The following DCAF6 variants were observed in gnomAD, a reference collection of about 807,000 sequenced individuals.
The protein encoded by DCAF6 is DDB1 and CUL4 associated factor 6, also known as DDB1- and CUL4-associated factor 6.
DCAF6 carries 54 observed loss-of-function variants against 125.1 expected under a neutral mutation model. The ratio of observed to expected loss-of-function variants is 0.43; its 90% CI spans 0.35 to 0.54. The LOEUF (loss-of-function observed/expected upper bound fraction) is 0.54, where lower values mean the gene tolerates loss of function less well. DCAF6 is among the 20% of genes least tolerant of loss of function. The probability of loss-of-function intolerance (pLI) is 0.01; values close to 1 mark genes in which losing one functional copy is unlikely to be tolerated. For missense variants in DCAF6, 934 were observed against 1,161.7 expected (o/e 0.80, Z 2.85); for synonymous variants, 371 against 390.4 (o/e 0.95, Z 0.58).
intron 2 of DCAF6, among the ~76,000 whole-genome samples, chr1:167,955,823 C>T (rs983154491): frequency 2.0e-5 from 3 of 152,174 alleles, no homozygotes; most frequent in African/African-American, 4.8e-5. Context: ...TGCAGTGGCA[C>T]AATCATAGCT....
the DCAF6 span, among the ~76,000 whole-genome samples, chr1:167,883,048 G>A: frequency 5.8e-3 from 877 of 152,152 alleles, 6 homozygotes; most frequent in Admixed American, 0.014. Context: ...TTCTTTTTTT[G>A]TTTAGTTGAG....
chr1:167,928,164 C>T, the DCAF6 span, among the ~76,000 whole-genome samples: 1 of 151,960 alleles, frequency 6.6e-6, no homozygotes, highest in Non-Finnish European at 1.5e-5. Flanking sequence ...CTGGCTAACA[C>T]GGTGAAACCC....
rs1420976440 is a variant in DCAF6 at position 168,038,271 on chromosome 1, A to G, written c.1610-100A>G. 6.6e-5 allele frequency: 56 copies of G among 845,680 alleles called. 2 individuals are homozygous for G. Among genetic ancestry groups the G allele is most frequent in the South Asian group, 2.6e-4 (17 of 64,584 alleles). 52.4% of individuals were successfully genotyped at this position (845,680 alleles called of 1,614,324 possible). On this transcript the variant is annotated intron_variant, in intron 12 of 21. Coordinates refer to ENST00000367840, the MANE Select transcript of DCAF6 (RefSeq NM_001198956.2). ...CCATAACAGATGTGAAAAAAGAATTATGACAAGGACAACCTAATATAAGTT... is the reference window on the plus strand; with the variant it reads ...CCATAACAGATGTGAAAAAAGAATTGTGACAAGGACAACCTAATATAAGTT...
At chr1:167,953,373 C>CATT (rs1553210196) in intron 2 of DCAF6, among the ~76,000 whole-genome samples, 4 of 152,076 alleles carry the variant, frequency 2.6e-5, no homozygotes, top group South Asian at 2.1e-4. Flanking sequence ...TTTCTCCTTA[C>CATT]ATTATTATTA....
intron 17 of DCAF6, among the ~76,000 whole-genome samples, chr1:168,052,431 G>C (rs1308132398): frequency 6.6e-6 from 1 of 152,116 alleles, no homozygotes; most frequent in African/African-American, 2.4e-5. Context: ...CCTCCCTGTA[G>C]AGTGAATGAG....
chr1:167,956,654 T>C (rs532645921), intron 2 of DCAF6, among the ~76,000 whole-genome samples: 35 of 152,290 alleles, frequency 2.3e-4, no homozygotes, highest in Middle Eastern at 3.4e-3. Flanking sequence ...GCTGAGGTCA[T>C]TGATATGAGA....
chr1:168,055,331 G>GTT (rs554861802), intron 17 of DCAF6, among the ~76,000 whole-genome samples: 2,763 of 31,510 alleles, frequency 0.088, 485 homozygotes, highest in Non-Finnish European at 0.11. Flanking sequence ...TCAGGCTTAA[G>GTT]TTTTTTTTTT....
chr1:167,987,732 G>A (rs1181104353), intron 5 of DCAF6, 124 bp downstream of exon 5: 1 of 496,068 alleles, frequency 2.0e-6, no homozygotes, highest in Non-Finnish European at 3.6e-6. Flanking sequence ...TAAGATTATG[G>A]GTGAATTTTT....
At chr1:167,993,750 A>G (rs1325088878) in intron 7 of DCAF6, among the ~76,000 whole-genome samples, 1 of 149,862 alleles carries the variant, frequency 6.7e-6, no homozygotes, top group African/African-American at 2.5e-5. Context: ...ACTCCGTCTC[A>G]GAAAAAACAA....
chr1:167,887,279 A>G, the DCAF6 span, among the ~76,000 whole-genome samples: 4 of 152,246 alleles, frequency 2.6e-5, no homozygotes, highest in Non-Finnish European at 5.9e-5. Context: ...CACAATAGCA[A>G]AGACCTGGAA....
chr1:168,008,670 C>A (rs1435672629), intron 10 of DCAF6, among the ~76,000 whole-genome samples: 2 of 151,982 alleles, frequency 1.3e-5, no homozygotes, highest in Non-Finnish European at 2.9e-5. Flanking sequence ...AAAAAAAAAT[C>A]AAACTCCTCA....
rs1378068818 is a variant in DCAF6, at chr1:168,043,068, A to C, written c.1771A>C (p.Lys591Gln). 1.2e-6 allele frequency: 2 copies of C among 1,613,052 alleles called. No homozygotes were observed. The highest frequency in any genetic ancestry group is 4.5e-5 in the East Asian group (2 of 44,856). The change falls in exon 14 of 22, where the codon AAA becomes CAA. Residue 591 changes from lysine to glutamine, a missense_variant. Lys to Gln is a moderately conservative substitution (Grantham distance 53). Transcript: ENST00000367840. The part of the protein sequence containing the change: ...SSSRGIGSHC[K>Q]SEGQEESFVP... ...TTCTAGAGGAATTGGGAGCCATTGC[A>C]AATCTGAGGGTCAGGAGGAATCTTT...
intron 12 of DCAF6, among the ~76,000 whole-genome samples, chr1:168,026,604 G>T (rs113841757): frequency 0.014 from 2,057 of 152,212 alleles, 47 homozygotes; most frequent in African/African-American, 0.047. Context: ...AGAAATGAAT[G>T]AGAGTATGAT....
intron 17 of DCAF6, among the ~76,000 whole-genome samples, chr1:168,057,189 T>C (rs1690981793): frequency 6.6e-6 from 1 of 152,210 alleles, no homozygotes; most frequent in Non-Finnish European, 1.5e-5. Flanking sequence ...TGTAATGGTG[T>C]TTTATGAAAG....
the DCAF6 span, among the ~76,000 whole-genome samples, chr1:167,889,946 T>G: frequency 2.6e-5 from 4 of 152,344 alleles, no homozygotes; most frequent in Middle Eastern, 6.8e-3. Flanking sequence ...TTAACATGGC[T>G]GAAAGTTTCT....
intron 10 of DCAF6, 95 bp from the exon 11 acceptor site, chr1:168,015,686 G>C: frequency 1.7e-6 from 2 of 1,158,286 alleles, no homozygotes; most frequent in East Asian, 2.8e-5. Context: ...CATGTGTTTT[G>C]TTTATATCCT....
intron 10 of DCAF6, among the ~76,000 whole-genome samples, chr1:168,012,249 A>T (rs1684403336): frequency 2.0e-5 from 3 of 152,194 alleles, no homozygotes; most frequent in African/African-American, 7.2e-5. Context: ...GCAGGATGTG[A>T]GGTTAGAACC....
intron 12 of DCAF6, among the ~76,000 whole-genome samples, chr1:168,024,717 T>A (rs1008950519): frequency 1.3e-5 from 2 of 150,794 alleles, no homozygotes; most frequent in African/African-American, 4.9e-5. Flanking sequence ...GGGAGGAGAA[T>A]CGCTTGAACC....
At chr1:168,007,368 T>C (rs1683473947) in intron 10 of DCAF6, among the ~76,000 whole-genome samples, 1 of 152,208 alleles carries the variant, frequency 6.6e-6, no homozygotes, top group African/African-American at 2.4e-5. Flanking sequence ...CACATTCCCC[T>C]TCAGCTATTG....
Sources: allele counts gnomAD v4.1 joint callset (sites outside exome capture counted in the v4.1 genomes callset), GRCh38; gene constraint gnomAD v4.1.1; transcripts MANE v1.5; gene names NCBI Gene and HGNC (gene_info 2026-07-23, HGNC 2026-07-21).